DNAH17: variants seen among roughly 807,000 people sequenced by gnomAD.
DNAH17 encodes axonemal beta dynein heavy chain 17.
A neutral mutation model predicts 485.6 loss-of-function variants in DNAH17; 376 were observed. The observed-to-expected ratio is 0.77, with a 90% CI of 0.71 to 0.84. The LOEUF is 0.84. Ranked by LOEUF, DNAH17 falls within the 40% of genes least tolerant of loss-of-function variation. The probability of loss-of-function intolerance (pLI) is 0.00; values close to 1 mark genes in which losing one functional copy is unlikely to be tolerated. For missense variants in DNAH17, 6,370 were observed against 5,839.3 expected, an observed-to-expected ratio of 1.09 and a Z score of -2.96; for synonymous variants, 3,031 against 2,405.9, an observed-to-expected ratio of 1.26 and a Z score of -7.60.
intron 54 of DNAH17, among the ~76,000 whole-genome samples, chr17:78,474,811 C>A (rs1358247761): frequency 1.3e-5 from 2 of 151,972 alleles, no homozygotes; most frequent in East Asian, 3.8e-4. Flanking sequence ...GTCACCCGGG[C>A]ACACACACTG....
chr17:78,562,054 C>A (rs773329737), intron 11 of DNAH17, 74 bp from the exon 12 acceptor site: 11 of 1,480,694 alleles, frequency 7.4e-6, no homozygotes, highest in Non-Finnish European at 9.8e-6. Flanking sequence ...GTGGACAAAA[C>A]GGGCAGGGCC....
intron 52 of DNAH17, 97 bp downstream of exon 52, chr17:78,476,475 G>A: frequency 7.3e-7 from 1 of 1,370,210 alleles, no homozygotes; most frequent in Non-Finnish European, 9.8e-7. Flanking sequence ...CCAACAAAGG[G>A]CCCTTCTGAG....
intron 37 of DNAH17, chr17:78,498,783 G>A (rs1347757774): frequency 2.6e-5 from 10 of 387,022 alleles, no homozygotes; most frequent in Admixed American, 4.5e-5. Context: ...TTTGTTACAC[G>A]TTTGCTACCA....
At chr17:78,546,532 T>A (rs1245291834) in intron 16 of DNAH17, among the ~76,000 whole-genome samples, 2 of 152,248 alleles carry the variant, frequency 1.3e-5, no homozygotes, top group Non-Finnish European at 2.9e-5. Context: ...CTGATTTGGA[T>A]AGGAGAAATC....
chr17:78,565,965 CAACAAAAACAA>C (rs2092258170), intron 11 of DNAH17, among the ~76,000 whole-genome samples: 1 of 150,252 alleles, frequency 6.7e-6, no homozygotes, highest in Admixed American at 6.6e-5. Flanking sequence ...AACAAACAAA[CAACAAAAACAA>C]AACAAAACAA....
chr17:78,518,211 G>A (rs1012389498), intron 25 of DNAH17, among the ~76,000 whole-genome samples: 3 of 152,060 alleles, frequency 2.0e-5, no homozygotes, highest in Admixed American at 6.6e-5. Flanking sequence ...CAGAGTGGAC[G>A]AAAAAACATG....
At chr17:78,425,271 G>T in intron 80 of DNAH17, 75 bp downstream of exon 80, 1 of 1,445,258 alleles carries the variant, frequency 6.9e-7, no homozygotes, top group Non-Finnish European at 9.5e-7. Context: ...TCTTTGCCAA[G>T]AGCTAGTTTT....
chr17:78,574,913 C>A lies in DNAH17; in HGVS notation c.145G>T (p.Val49Phe), dbSNP rs201905620. 6.2e-7 allele frequency: 1 copy of A among 1,614,024 alleles called. No individual in the cohort carries two copies. Among genetic ancestry groups the A allele is most frequent in the East Asian group, 2.2e-5 (1 of 44,884 alleles). ...TTGAGCGTCAGCACCAGCACCTGGACGTCGGGCTTTTCAAAGAACTCTGTG... is the reference window on the plus strand; with the variant it reads ...TTGAGCGTCAGCACCAGCACCTGGAAGTCGGGCTTTTCAAAGAACTCTGTG... Reference protein sequence around the residue: ...LFTEFFEKPDVQVLVLTLNAA... With the variant: ...LFTEFFEKPDFQVLVLTLNAA... Residue 49 changes from valine (V) to phenylalanine (F), a missense_variant, in exon 2 of 81, where the codon GTC becomes TTC. Val to Phe is a conservative substitution (Grantham distance 50). Coordinates refer to ENST00000389840, the MANE Select transcript of DNAH17 (RefSeq NM_173628.4).
chr17:78,475,632 G>T, intron 53 of DNAH17, 37 bp downstream of exon 53: 1 of 1,610,672 alleles, frequency 6.2e-7, no homozygotes, highest in South Asian at 1.1e-5. Context: ...ACCCGGTCCA[G>T]GTCCCGTGCC....
In DNAH17 at chr17:78,537,351, T is replaced by C. The variant is rs769150630; in HGVS notation, c.2807A>G (p.Tyr936Cys). The C allele has an allele frequency of 1.9e-6, 3 of 1,607,222 alleles. No individual in the cohort carries two copies. In the Admixed American group the frequency reaches 5.1e-5, roughly 27 times the overall value. ...ALIEGLVNDI[Y>C]NVARLIPRLA... ...CCGAGGGATGAGCCTGGCTACGTTG[T>C]AGATGTCGTTGACCAGGCCCTCGAT... Residue 936 changes from tyrosine (Y) to cysteine (C), a missense_variant, in exon 19 of 81, where the codon TAC (tyrosine) becomes TGC (cysteine). Physicochemically the swap from Tyr to Cys is radical, Grantham distance 194. Transcript: ENST00000389840.
intron 55 of DNAH17, among the ~76,000 whole-genome samples, chr17:78,467,419 C>T (rs764334095): frequency 2.0e-5 from 3 of 152,166 alleles, no homozygotes; most frequent in Non-Finnish European, 2.9e-5. Context: ...CCCCTCACTG[C>T]GTGATGACGT....
chr17:78,529,496 T>C lies in DNAH17; in HGVS notation c.3483A>G (p.Pro1161=). The change falls in exon 22 of 81, where the codon CCA becomes CCG. Residue 1161 remains proline (P), a synonymous_variant. Transcript: ENST00000389840. ...CCTGCAGCTTCAAGTGGATCTCCTC[T>C]GGCATCTCCTCCCCGTAGGTCTTGA... ...ELLKTYGEEM[P]EEIHLKLQEL... 1.9e-6 allele frequency: 3 copies of C among 1,613,908 alleles called. No homozygotes were observed. The highest frequency in any genetic ancestry group is 2.5e-6 in the Non-Finnish European group (3 of 1,179,848).
At chr17:78,526,178 T>C (rs556896118) in intron 24 of DNAH17, among the ~76,000 whole-genome samples, 5 of 152,112 alleles carry the variant, frequency 3.3e-5, no homozygotes. Flanking sequence ...ACCATGAACT[T>C]GGACAGTGGG....
Position 78,499,000 on chromosome 17 carries a change from G to A in DNAH17, c.5745+8C>T, listed in dbSNP as rs748550241. ...CGTGACCCCGAGGCCGCAGGCAGGG[G>A]ACTTTACCTGCACGGCAATCACAGA... On this transcript the variant is annotated splice_region_variant and intron_variant, in intron 37 of 80. Transcript: ENST00000389840. The A allele has an allele frequency of 1.2e-5, 19 of 1,601,884 alleles. No individual in the cohort carries two copies. Among genetic ancestry groups the A allele is most frequent in the Non-Finnish European group, 1.6e-5 (19 of 1,174,030 alleles).
chr17:78,445,059 A>G (rs1245187954), intron 70 of DNAH17, among the ~76,000 whole-genome samples: 1 of 152,074 alleles, frequency 6.6e-6, no homozygotes, highest in Non-Finnish European at 1.5e-5. Context: ...CTGCTTCTCT[A>G]GGGGTCTCTG....
chr17:78,434,725 G>A (rs1234400106), intron 74 of DNAH17, among the ~76,000 whole-genome samples: 1 of 152,168 alleles, frequency 6.6e-6, no homozygotes, highest in Non-Finnish European at 1.5e-5. Context: ...CTCCAGGGAA[G>A]GGAAAACTGA....
intron 56 of DNAH17, among the ~76,000 whole-genome samples, chr17:78,463,499 C>A (rs545636184): frequency 1.3e-5 from 2 of 152,008 alleles, no homozygotes; most frequent in Non-Finnish European, 2.9e-5. Flanking sequence ...TATATATACA[C>A]GTGCATATGC....
intron 19 of DNAH17, among the ~76,000 whole-genome samples, chr17:78,533,977 C>T (rs1311633625): frequency 5.3e-5 from 8 of 152,152 alleles, no homozygotes; most frequent in South Asian, 2.1e-4. Context: ...TGAGCCAATG[C>T]GCCCAGCCCA....
intron 54 of DNAH17, among the ~76,000 whole-genome samples, chr17:78,471,044 G>A (rs1236192774): frequency 2.6e-5 from 4 of 152,204 alleles, no homozygotes; most frequent in Admixed American, 6.5e-5. Flanking sequence ...GTAGTGATGT[G>A]TATTTCCAGC....
Sources: gnomAD v4.1 joint callset for allele counts (sites outside exome capture counted in the v4.1 genomes callset) on GRCh38, gnomAD v4.1.1 for gene constraint, MANE v1.5 for transcripts, NCBI Gene and HGNC (gene_info 2026-07-23, HGNC 2026-07-21) for gene names.